FERMT1: variants seen among roughly 807,000 people sequenced by gnomAD.
FERMT1 encodes FERM domain containing kindlin 1.
In FERMT1, 60 loss-of-function variants were observed where a neutral mutation model predicts 85.3. That is an observed-to-expected ratio of 0.70 (90% confidence interval 0.57 to 0.87). The LOEUF is 0.87. FERMT1 is among the 40% of genes least tolerant of loss of function. The probability of loss-of-function intolerance (pLI) is 0.00; values close to 1 mark genes in which losing one functional copy is unlikely to be tolerated. For synonymous variants in FERMT1, 275 were observed against 301.1 expected (o/e 0.91, Z 0.90); for missense variants, 701 against 818.9 (o/e 0.86, Z 1.76).
intron 9 of FERMT1, among the ~76,000 whole-genome samples, chr20:6,090,294 C>T (rs1434205275): frequency 6.6e-6 from 1 of 151,876 alleles, no homozygotes; most frequent in African/African-American, 2.4e-5. Flanking sequence ...AGGATGGTCT[C>T]GATCTCCTGA....
At position 6,096,980 on chromosome 20, in the gene FERMT1, C is replaced by T; in HGVS notation, c.1011G>A (p.Glu337=). The change falls in exon 8 of 15, where the codon GAG becomes GAA. Residue 337 remains glutamate (E), a synonymous_variant. Transcript: ENST00000217289. The part of the protein sequence containing the change: ...LSAETQDFAG[E]SEVDEIEAAL... Reference sequence around the variant, plus strand: ...CCGCTTCTATTTCATCAACCTCGGACTCGCCTGCAAAATCCTGTGTTTCAG... The same window carrying T: ...CCGCTTCTATTTCATCAACCTCGGATTCGCCTGCAAAATCCTGTGTTTCAG... 1 of 1,614,040 alleles carries T rather than the reference C, an allele frequency of 6.2e-7. No individual in the cohort carries two copies. The highest frequency in any genetic ancestry group is 1.7e-5 in the Admixed American group (1 of 60,016).
rs544699829 is a variant in FERMT1 at position 6,081,049 on chromosome 20, G to C, written c.1719-1472C>G. Among the ~76,000 whole-genome samples, 6 of 152,260 alleles carry C rather than the reference G, an allele frequency of 3.9e-5. No homozygotes were observed. In the South Asian group the frequency reaches 1.2e-3, roughly 32 times the overall value. ...CATCTGAAATCCCAGCACTCTGGGA[G>C]GCCGAGGCAAGGGGATTACTTGAAG... On this transcript the variant is annotated intron_variant, in intron 13 of 14. Transcript: ENST00000217289.
At chr20:6,101,609 T>A (rs1324841304) in intron 6 of FERMT1, among the ~76,000 whole-genome samples, 50 of 152,304 alleles carry the variant, frequency 3.3e-4, no homozygotes, top group Non-Finnish European at 7.3e-5. Flanking sequence ...GATACAGAAC[T>A]GTTTTCCATT....
intron 6 of FERMT1, among the ~76,000 whole-genome samples, chr20:6,099,528 A>C (rs1397706248): frequency 6.6e-6 from 1 of 152,238 alleles, no homozygotes. Context: ...TCACTTATAT[A>C]AACTATCTAG....
chr20:6,083,766 C>T (rs967092319), intron 13 of FERMT1, among the ~76,000 whole-genome samples: 1 of 151,040 alleles, frequency 6.6e-6, no homozygotes, highest in Admixed American at 6.6e-5. Flanking sequence ...TGATGTTTAC[C>T]CTCTGGTTTT....
chr20:6,098,094 G>A (rs994092895), intron 6 of FERMT1, among the ~76,000 whole-genome samples: 2 of 152,168 alleles, frequency 1.3e-5, no homozygotes, highest in African/African-American at 4.8e-5. Context: ...AATTACAGGC[G>A]TGAGCCACTG....
At chr20:6,118,693 G>A (rs1219822311) in intron 2 of FERMT1, among the ~76,000 whole-genome samples, 1 of 152,180 alleles carries the variant, frequency 6.6e-6, no homozygotes, top group Non-Finnish European at 1.5e-5. Flanking sequence ...CACGCTACAA[G>A]GTGAAGAGTG....
At chr20:6,105,785 CACAA>C (rs1167798210) in intron 6 of FERMT1, among the ~76,000 whole-genome samples, 3 of 152,122 alleles carry the variant, frequency 2.0e-5, no homozygotes, top group African/African-American at 2.4e-5. Flanking sequence ...TAAATAAACA[CACAA>C]ACAAACAACA....
intron 2 of FERMT1, among the ~76,000 whole-genome samples, chr20:6,118,163 A>C (rs983820013): frequency 6.6e-6 from 1 of 152,252 alleles, no homozygotes; most frequent in Non-Finnish European, 1.5e-5. Context: ...TAAATGGATA[A>C]ATAATTGTGG....
Position 6,088,975 on chromosome 20 carries a change from T to G in FERMT1, c.1254A>C (p.Leu418=), listed in dbSNP as rs1274454247. The G allele has an allele frequency of 1.9e-6, 3 of 1,611,786 alleles. No individual in the cohort carries two copies. Among genetic ancestry groups the G allele is most frequent in the Non-Finnish European group, 2.5e-6 (3 of 1,178,408 alleles). Residue 418 remains leucine (L), a synonymous_variant, in exon 10 of 15, where the codon CTA becomes CTC. Coordinates refer to ENST00000217289, the MANE Select transcript of FERMT1 (RefSeq NM_017671.5). ...ELEQGEPLEK[L]NLRGCEVVPD... ...ATAGGGTACTCTTACCTCTAAGATT[T>G]AGTTTTTCTAGTGGTTCTCCTTGTT...
rs1173823522 is a variant in FERMT1 at position 6,097,567 on chromosome 20, A to G, written c.914T>C (p.Ile305Thr). Residue 305 changes from isoleucine to threonine, a missense_variant, in exon 7 of 15, where the codon ATT becomes ACT. By Grantham distance (89) the Ile-to-Thr change is moderately conservative. Coordinates refer to ENST00000217289, the MANE Select transcript of FERMT1 (RefSeq NM_017671.5). ...CAACATTTCTTCCTCTGTGCAATCAATTTCTTCTAAGAGAATGGCCCACCT... is the reference window on the plus strand; with the variant it reads ...CAACATTTCTTCCTCTGTGCAATCAGTTTCTTCTAAGAGAATGGCCCACCT... The part of the protein sequence containing the change: ...QARWAILLEE[I>T]DCTEEEMLIF... The G allele has an allele frequency of 1.2e-5, 20 of 1,613,944 alleles. No individual in the cohort carries two copies. The highest frequency in any genetic ancestry group is 2.7e-5 in the African/African-American group (2 of 74,906).
chr20:6,110,487 G>C lies in FERMT1; in HGVS notation c.557C>G (p.Thr186Ser), dbSNP rs1161003417. 6.2e-7 allele frequency: 1 copy of C among 1,614,010 alleles called. No individual in the cohort carries two copies. Among genetic ancestry groups the C allele is most frequent in the African/African-American group, 1.3e-5 (1 of 74,914 alleles). Reference protein sequence around the residue: ...SSVSPGLYSKTMTPIYDPING... With the variant: ...SSVSPGLYSKSMTPIYDPING... Reference sequence around the variant, plus strand: ...GATGGGGTCATATATAGGGGTCATGGTTTTACTGTATAAACCAGGACTTAC... The same window carrying C: ...GATGGGGTCATATATAGGGGTCATGCTTTTACTGTATAAACCAGGACTTAC... Residue 186 changes from threonine (T) to serine (S), a missense_variant, in exon 5 of 15, where the codon ACC becomes AGC. By Grantham distance (58) the Thr-to-Ser change is moderately conservative. Transcript: ENST00000217289.
intron 9 of FERMT1, 84 bp from the exon 10 acceptor site, chr20:6,089,173 T>A: frequency 7.3e-7 from 1 of 1,366,690 alleles, no homozygotes; most frequent in Admixed American, 1.8e-5. Flanking sequence ...TCAGATCAGA[T>A]GTTTGTGTCA....
rs899611340 is a variant in FERMT1 at position 6,076,149 on chromosome 20, C to T, written c.*1024G>A. 7 of 228,106 alleles carry T rather than the reference C, an allele frequency of 3.1e-5. No homozygotes were observed. The highest frequency in any genetic ancestry group is 2.4e-4 in the East Asian group (2 of 8,280). The allele number at this position is 228,106 out of a possible 1,614,324, so 14.1% of individuals were successfully genotyped here. A position where few individuals can be genotyped will look rare whatever the true frequency, so the allele number is the denominator to read the frequency against. ...GAACACAGACCAGCGATAAGAGGGA[C>T]GCTTCCCCATGACCCAGACCAGCCT... On this transcript the variant is annotated 3_prime_UTR_variant, in exon 15 of 15. Coordinates refer to ENST00000217289, the MANE Select transcript of FERMT1 (RefSeq NM_017671.5).
At position 6,116,767 on chromosome 20, in the gene FERMT1, C is replaced by A. The variant is rs561367843; in HGVS notation, c.152-723G>T. Among the ~76,000 whole-genome samples the A allele has an allele frequency of 3.3e-5, 5 of 151,460 alleles. No homozygotes were observed. The East Asian group carries it at 9.7e-4, about 29-fold the overall frequency. On this transcript the variant is annotated intron_variant, in intron 2 of 14. Transcript: ENST00000217289. The stretch of plus-strand genomic sequence containing the variant: ...ATGGAAAATAGGGACTAAATCTTAC[C>A]ATCATTTACATTTAGATACCGTGGA...
intron 13 of FERMT1, among the ~76,000 whole-genome samples, chr20:6,082,757 G>C (rs1348191213): frequency 6.6e-6 from 1 of 152,182 alleles, no homozygotes; most frequent in Non-Finnish European, 1.5e-5. Flanking sequence ...CCAGGTTCAA[G>C]TAATTCTAGT....
At chr20:6,098,938 A>G (rs969761667) in intron 6 of FERMT1, among the ~76,000 whole-genome samples, 6 of 152,214 alleles carry the variant, frequency 3.9e-5, no homozygotes, top group Admixed American at 2.0e-4. Flanking sequence ...TAATCCATCA[A>G]TCCTACTCCT....
At chr20:6,077,969 T>A (rs185243423) in intron 14 of FERMT1, among the ~76,000 whole-genome samples, 130 of 151,374 alleles carry the variant, frequency 8.6e-4, no homozygotes, top group Non-Finnish European at 1.7e-3. Flanking sequence ...CGTGAGCCAC[T>A]GCACCCGGCC....
intron 3 of FERMT1, among the ~76,000 whole-genome samples, chr20:6,113,987 C>T (rs1034814209): frequency 2.0e-5 from 3 of 152,186 alleles, no homozygotes; most frequent in Admixed American, 2.0e-4. Context: ...ACACTAGTGG[C>T]TATCATTCCA....
Sources: allele counts gnomAD v4.1 joint callset (sites outside exome capture counted in the v4.1 genomes callset), GRCh38; gene constraint gnomAD v4.1.1; transcripts MANE v1.5; gene names NCBI Gene and HGNC (gene_info 2026-07-23, HGNC 2026-07-21).